The following VWA5B1 variants were observed in gnomAD, a reference collection of about 807,000 sequenced individuals.
VWA5B1 encodes von Willebrand factor A domain-containing protein 5B1.
In VWA5B1, 115 loss-of-function variants were observed where a neutral mutation model predicts 118.2. The ratio of observed to expected loss-of-function variants is 0.97; its 90% CI spans 0.84 to 1.14. The LOEUF is 1.14. Ranked by LOEUF, VWA5B1 falls within the 50% of genes most tolerant of loss-of-function variation. The pLI, the probability that VWA5B1 is intolerant of heterozygous loss-of-function variation, is 0.00. For synonymous variants in VWA5B1, 682 were observed against 658.4 expected (o/e 1.04, Z -0.55); for missense variants, 1,596 against 1,603.8 (o/e 1.00, Z 0.08).
At chr1:20,338,027 G>A (rs1407257216) in intron 14 of VWA5B1, 191 bp downstream of exon 14, 2 of 741,056 alleles carry the variant, frequency 2.7e-6, no homozygotes, top group Non-Finnish European at 4.8e-6. Context: ...ACACCCACCG[G>A]TCAATAAGCT....
chr1:20,345,799 A>T (rs1296684204), intron 17 of VWA5B1, among the ~76,000 whole-genome samples: 4 of 152,210 alleles, frequency 2.6e-5, no homozygotes, highest in African/African-American at 9.6e-5. Context: ...AGAGGCCGTT[A>T]AATCACCCCA....
intron 16 of VWA5B1, 148 bp downstream of exon 16, chr1:20,343,541 C>A: frequency 2.2e-6 from 3 of 1,349,824 alleles, no homozygotes; most frequent in East Asian, 2.6e-5. Context: ...TACCCCACCC[C>A]CTCCTCACAG....
At chr1:20,314,927 G>A (rs576129890) in intron 4 of VWA5B1, among the ~76,000 whole-genome samples, 3 of 152,238 alleles carry the variant, frequency 2.0e-5, no homozygotes, top group Non-Finnish European at 4.4e-5. Flanking sequence ...GGTTGTTAGG[G>A]ATAGAGAAAG....
chr1:20,330,919 G>A lies in VWA5B1; in HGVS notation c.1508G>A (p.Gly503Glu). The change falls in exon 11 of 22, where the codon GGA becomes GAA. Residue 503 changes from glycine (G) to glutamate (E), a missense_variant. Physicochemically the swap from Gly to Glu is moderately conservative, Grantham distance 98. Transcript: ENST00000289815. ...GPNVCHRLVK[G>E]LASVSEGSAE... is the part of the protein sequence containing the mutation. ...AACGTCTGCCACAGACTGGTGAAAG[G>A]ACTGGCATCTGTGTCCGAGGGCAGT... The A allele has an allele frequency of 2.6e-6, 4 of 1,551,752 alleles. No homozygotes were observed. Among genetic ancestry groups the A allele is most frequent in the South Asian group, 1.2e-5 (1 of 84,052 alleles).
intron 4 of VWA5B1, 63 bp from the exon 5 acceptor site, chr1:20,317,467 C>A: frequency 1.3e-6 from 2 of 1,526,180 alleles, no homozygotes; most frequent in South Asian, 1.3e-5. Flanking sequence ...TCCTTGTCTT[C>A]TCGCGCTGGA....
intron 4 of VWA5B1, among the ~76,000 whole-genome samples, chr1:20,315,459 G>A (rs1398977846): frequency 1.3e-5 from 2 of 152,188 alleles, no homozygotes; most frequent in African/African-American, 4.8e-5. Flanking sequence ...AAAAGGAGGT[G>A]GGTCACAGTC....
chr1:20,318,777 T>A lies in VWA5B1; in HGVS notation c.841+56T>A. On this transcript the variant is annotated intron_variant, in intron 6 of 21. Transcript: ENST00000289815. ...GCCTGTGGGAGGGAGGAGGTGCTGA[T>A]CCTGTGGGGACAGAACATGTGGCCC... 2.1e-6 allele frequency: 3 copies of A among 1,443,422 alleles called. No homozygotes were observed. In the South Asian group the frequency reaches 4.5e-5, roughly 22 times the overall value. The allele number at this position is 1,443,422 out of a possible 1,614,324, so 89.4% of individuals were successfully genotyped here. A position where few individuals can be genotyped will look rare whatever the true frequency, so the allele number is the denominator to read the frequency against.
At chr1:20,330,033 T>G in intron 9 of VWA5B1, 147 bp from the exon 10 acceptor site, 1 of 891,776 alleles carries the variant, frequency 1.1e-6, no homozygotes, top group Non-Finnish European at 1.7e-6. Flanking sequence ...CCATTCTTCC[T>G]GTGAGTGTGG....
chr1:20,296,349 A>G (rs2088406798), intron 1 of VWA5B1, among the ~76,000 whole-genome samples: 1 of 152,172 alleles, frequency 6.6e-6, no homozygotes, highest in South Asian at 2.1e-4. Context: ...TACAAAGCCA[A>G]AGGATTGCAC....
rs975217373 is a variant in VWA5B1 at position 20,354,873 on chromosome 1, G to C, written c.*610G>C. 1 of 152,464 alleles carries C rather than the reference G, an allele frequency of 6.6e-6. No homozygotes were observed. The highest frequency in any genetic ancestry group is 1.5e-5 in the Non-Finnish European group (1 of 68,292). The allele number at this position is 152,464 out of a possible 1,614,324, so 9.4% of individuals were successfully genotyped here. A position where few individuals can be genotyped will look rare whatever the true frequency, so the allele number is the denominator to read the frequency against. ...ATCCTTCTCAACGCTTTACAAAAGA[G>C]TAGTTTGGGGGCCTTTTGTTTTGGC... On this transcript the variant is annotated 3_prime_UTR_variant, in exon 22 of 22. Transcript: ENST00000289815.
Position 20,336,342 on chromosome 1 carries a change from T to C in VWA5B1, c.1798T>C (p.Ser600Pro). 1 of 1,517,514 alleles carries C rather than the reference T, an allele frequency of 6.6e-7. No individual in the cohort carries two copies. Among genetic ancestry groups the C allele is most frequent in the Non-Finnish European group, 8.9e-7 (1 of 1,129,218 alleles). 94.0% of individuals were successfully genotyped at this position (1,517,514 alleles called of 1,614,324 possible). ...RRYSMLHSQE[S>P]GSSVFYHSQD... is the part of the protein sequence containing the mutation. ...GTACAGCATGCTGCACTCTCAGGAG[T>C]CTGGCAGCTCTGTCTTCTACCACTC... is the stretch of plus-strand genomic sequence containing the variant. The change falls in exon 13 of 22, where the codon TCT (serine) becomes CCT (proline). Residue 600 changes from serine (S) to proline (P), a missense_variant. Physicochemically the swap from Ser to Pro is moderately conservative, Grantham distance 74. Coordinates refer to ENST00000289815, the MANE Select transcript of VWA5B1 (RefSeq NM_001039500.3).
chr1:20,307,585 C>T (rs1399223387), intron 1 of VWA5B1, among the ~76,000 whole-genome samples: 4 of 152,200 alleles, frequency 2.6e-5, no homozygotes, highest in Non-Finnish European at 4.4e-5. Context: ...TTAATAAATT[C>T]CCGCTGTCAT....
At chr1:20,299,006 C>T (rs990946332) in intron 1 of VWA5B1, among the ~76,000 whole-genome samples, 1 of 152,142 alleles carries the variant, frequency 6.6e-6, no homozygotes, top group Admixed American at 6.5e-5. Context: ...GGCAGTTTTA[C>T]TAACCTCTCT....
At chr1:20,293,184 C>G (rs535038861) in intron 1 of VWA5B1, among the ~76,000 whole-genome samples, 1 of 152,236 alleles carries the variant, frequency 6.6e-6, no homozygotes, top group African/African-American at 2.4e-5. Flanking sequence ...CCTGTGGCCC[C>G]TACTCACCTG....
At chr1:20,301,602 G>A (rs967969909) in intron 1 of VWA5B1, among the ~76,000 whole-genome samples, 1 of 152,188 alleles carries the variant, frequency 6.6e-6, no homozygotes, top group Non-Finnish European at 1.5e-5. Context: ...GCTCTAGAGG[G>A]GCAGTGGCTG....
In VWA5B1 at chr1:20,350,148, T is replaced by C. The variant is rs574770368; in HGVS notation, c.2879-8T>C. 2.6e-5 allele frequency: 40 copies of C among 1,551,048 alleles called. 1 individual carries two copies. In the East Asian group the frequency reaches 9.8e-4, roughly 38 times the overall value. On this transcript the variant is annotated splice_polypyrimidine_tract_variant and splice_region_variant and intron_variant, in intron 18 of 21. Coordinates refer to ENST00000289815, the MANE Select transcript of VWA5B1 (RefSeq NM_001039500.3). ...AGAGGTCCAGCCTCACTGGCTCCTC[T>C]GTCCTAGACATGGAGGCAAGTCCCA...
In VWA5B1 at chr1:20,345,462, A is replaced by C. The variant is rs200114174; in HGVS notation, c.2633A>C (p.Asn878Thr). Residue 878 changes from asparagine to threonine, a missense_variant, in exon 17 of 22, where the codon AAC (asparagine) becomes ACC (threonine). Asn to Thr is a moderately conservative substitution (Grantham distance 65). Transcript: ENST00000289815. ...CCAGTTTCTCCCTCCACAGGGTCCA[A>C]CCGCCGCTACCAAGTGAGCGCCTTG... The part of the protein sequence containing the change: ...EREGEIEQGS[N>T]RRYQVSALHT... The C allele has an allele frequency of 7.1e-6, 11 of 1,550,620 alleles. No homozygotes were observed. Among genetic ancestry groups the C allele is most frequent in the Non-Finnish European group, 2.6e-6 (3 of 1,146,990 alleles).
At chr1:20,305,238 T>A (rs1312091016) in intron 1 of VWA5B1, among the ~76,000 whole-genome samples, 1 of 152,100 alleles carries the variant, frequency 6.6e-6, no homozygotes, top group East Asian at 1.9e-4. Flanking sequence ...GATGGACCCA[T>A]CACAGATGGT....
At position 20,357,452 on chromosome 1, in the gene VWA5B1, C is replaced by T. The variant is rs892995816; in HGVS notation, c.*3189C>T. ...CCTGACCCGTTAATATGTTACTGTGCGTTGTCAGGCTCCGAGCAGGTGACC... is the reference window on the plus strand; with the variant it reads ...CCTGACCCGTTAATATGTTACTGTGTGTTGTCAGGCTCCGAGCAGGTGACC... On this transcript the variant is annotated 3_prime_UTR_variant, in exon 22 of 22. Coordinates refer to ENST00000289815, the MANE Select transcript of VWA5B1 (RefSeq NM_001039500.3). Among the ~76,000 whole-genome samples, 4 of 152,224 alleles carry T rather than the reference C, an allele frequency of 2.6e-5. No individual in the cohort carries two copies. Among genetic ancestry groups the T allele is most frequent in the Admixed American group, 6.5e-5 (1 of 15,276 alleles).
Sources: allele counts gnomAD v4.1 joint callset (sites outside exome capture counted in the v4.1 genomes callset), GRCh38; gene constraint gnomAD v4.1.1; transcripts MANE v1.5; gene names NCBI Gene and HGNC (gene_info 2026-07-23, HGNC 2026-07-21).